ANKRD34C: variants seen among roughly 807,000 people sequenced by gnomAD.
ANKRD34C encodes the protein ankyrin repeat domain-containing protein 34C.
For missense variants in ANKRD34C, 563 were observed against 653.0 expected, an observed-to-expected ratio of 0.86 and a Z score of 1.50; for synonymous variants, 260 against 253.6, an observed-to-expected ratio of 1.03 and a Z score of -0.24.
chr15:79,293,741 A>G lies in ANKRD34C; in HGVS notation c.457A>G (p.Thr153Ala). The G allele has an allele frequency of 1.3e-6, 2 of 1,551,756 alleles. No homozygotes were observed. The highest frequency in any genetic ancestry group is 1.4e-5 in the African/African-American group (1 of 73,180). The change falls in exon 2 of 2, where the codon ACA becomes GCA. Residue 153 changes from threonine (T) to alanine (A), a missense_variant. Thr to Ala is a moderately conservative substitution (Grantham distance 58). Transcript: ENST00000421388. ...KAKGKEVIII[T>A]TDKSSSGTKT... ...CAAAGGGAAGGAGGTGATTATTATA[A>G]CAACAGATAAATCGTCTTCAGGCAC...
intron 1 of ANKRD34C, among the ~76,000 whole-genome samples, chr15:79,286,723 A>G (rs2058646347): frequency 1.3e-5 from 2 of 151,976 alleles, no homozygotes; most frequent in Admixed American, 6.5e-5. Flanking sequence ...AAGCCTCCCA[A>G]TCCATCTCCC....
intron 1 of ANKRD34C, among the ~76,000 whole-genome samples, chr15:79,288,275 G>T (rs115278010): frequency 0.011 from 1,633 of 152,294 alleles, 32 homozygotes; most frequent in African/African-American, 0.037. Context: ...GAAAAGTGAC[G>T]CAAGGGAGGA....
intron 1 of ANKRD34C, among the ~76,000 whole-genome samples, chr15:79,289,188 C>A (rs1482181660): frequency 6.6e-6 from 1 of 152,176 alleles, no homozygotes; most frequent in Admixed American, 6.5e-5. Context: ...GTTAGCCTGG[C>A]ACATTTTATC....
intron 1 of ANKRD34C, among the ~76,000 whole-genome samples, chr15:79,289,245 A>C (rs996917405): frequency 3.9e-5 from 6 of 152,210 alleles, no homozygotes; most frequent in African/African-American, 1.4e-4. Context: ...CTCAGACAAA[A>C]CTGTTGCATT....
In ANKRD34C at chr15:79,294,033, T is replaced by C; in HGVS notation, c.749T>C (p.Leu250Pro). Residue 250 changes from leucine to proline, a missense_variant, in exon 2 of 2, where the codon CTC (leucine) becomes CCC (proline). By Grantham distance (98) the Leu-to-Pro change is moderately conservative. Coordinates refer to ENST00000421388, the MANE Select transcript of ANKRD34C (RefSeq NM_001146341.2). ...GCCCGTTTGCCTCAACTGAAGAGGC[T>C]CCAGTCTGAACCTTGGGGCCTGATA... Reference protein sequence around the residue: ...KRARLPQLKRLQSEPWGLIAP... With the variant: ...KRARLPQLKRPQSEPWGLIAP... 1 of 1,551,626 alleles carries C rather than the reference T, an allele frequency of 6.4e-7. No homozygotes were observed. Among genetic ancestry groups the C allele is most frequent in the South Asian group, 1.2e-5 (1 of 84,038 alleles).
At chr15:79,293,164 C>G (rs2058663822) in intron 1 of ANKRD34C, 77 bp from the exon 2 acceptor site, 16 of 1,128,458 alleles carry the variant, frequency 1.4e-5, no homozygotes, top group Non-Finnish European at 2.0e-5. Flanking sequence ...ATGACTGTAC[C>G]CAGACCCCGT....
chr15:79,287,939 T>C (rs981337928), intron 1 of ANKRD34C, among the ~76,000 whole-genome samples: 1 of 152,158 alleles, frequency 6.6e-6, no homozygotes, highest in African/African-American at 2.4e-5. Context: ...CCACCCAAGG[T>C]TGAGTCAGCC....
Position 79,294,867 on chromosome 15 carries a change from C to G in ANKRD34C, c.1583C>G (p.Ser528Cys). ...CAAATTGAACAAATGAAACAGCTGTCTGATTTTGAAGAAATCATGACCTAG... is the reference window on the plus strand; with the variant it reads ...CAAATTGAACAAATGAAACAGCTGTGTGATTTTGAAGAAATCATGACCTAG... ...SMQIEQMKQL[S>C]DFEEIMT Residue 528 changes from serine to cysteine, a missense_variant, in exon 2 of 2, where the codon TCT (serine) becomes TGT (cysteine). Ser to Cys is a moderately radical substitution (Grantham distance 112). Coordinates refer to ENST00000421388, the MANE Select transcript of ANKRD34C (RefSeq NM_001146341.2). 1.3e-6 allele frequency: 2 copies of G among 1,541,504 alleles called. No individual in the cohort carries two copies. Among genetic ancestry groups the G allele is most frequent in the Non-Finnish European group, 1.7e-6 (2 of 1,144,402 alleles).
chr15:79,293,497 G>A lies in ANKRD34C; in HGVS notation c.213G>A (p.Leu71=). 6.4e-7 allele frequency: 1 copy of A among 1,551,602 alleles called. No homozygotes were observed. The highest frequency in any genetic ancestry group is 2.4e-5 in the East Asian group (1 of 40,918). ...GCAAGTCCAAGATGGTGAAGTACCTGCTGGACAACAGGGCAGACCCCAATA... is the reference window on the plus strand; with the variant it reads ...GCAAGTCCAAGATGGTGAAGTACCTACTGGACAACAGGGCAGACCCCAATA... ...SISKSKMVKY[L]LDNRADPNIQ... is the part of the protein sequence containing the mutation. Residue 71 remains leucine, a synonymous_variant, in exon 2 of 2, where the codon CTG becomes CTA. Coordinates refer to ENST00000421388, the MANE Select transcript of ANKRD34C (RefSeq NM_001146341.2).
At chr15:79,289,892 T>C (rs1168114127) in intron 1 of ANKRD34C, among the ~76,000 whole-genome samples, 1 of 152,160 alleles carries the variant, frequency 6.6e-6, no homozygotes, top group African/African-American at 2.4e-5. Flanking sequence ...TTTGTATATG[T>C]ATGTGTGTGT....
Position 79,292,911 on chromosome 15 carries a change from G to A in ANKRD34C, c.-44-330G>A, listed in dbSNP as rs138306660. 5.8e-4 allele frequency among the ~76,000 whole-genome samples: 89 copies of A among 152,236 alleles called. 2 individuals are homozygous for A. In the East Asian group the frequency reaches 0.014, roughly 24 times the overall value. ...GTTCTACATTTGTGATAAGTGCTGC[G>A]CAGTCAACACAATAACATCTTGCAT... On this transcript the variant is annotated intron_variant, in intron 1 of 1. Coordinates refer to ENST00000421388, the MANE Select transcript of ANKRD34C (RefSeq NM_001146341.2).
rs545306346 is a variant in ANKRD34C, at chr15:79,296,290, A to ATAGGAT, written c.*1402_*1407dup. The ATAGGAT allele has an allele frequency of 1.6e-3, 259 of 167,032 alleles. 3 individuals carry two copies. The highest frequency in any genetic ancestry group is 3.0e-3 in the Non-Finnish European group (207 of 68,110). 10.3% of individuals were successfully genotyped at this position (167,032 alleles called of 1,614,324 possible). A position where few individuals can be genotyped will look rare whatever the true frequency, so the allele number is the denominator to read the frequency against. On this transcript the variant is annotated 3_prime_UTR_variant, in exon 2 of 2. Coordinates refer to ENST00000421388, the MANE Select transcript of ANKRD34C (RefSeq NM_001146341.2). Reference sequence around the variant, plus strand: ...TAGTCTCTGTTCCCTCATCTGTAAAATAGGATTAGTAGTGCTGCACCTTAC... The same window carrying ATAGGAT: ...TAGTCTCTGTTCCCTCATCTGTAAAATAGGATTAGGATTAGTAGTGCTGCACCTTAC...
chr15:79,289,946 A>G (rs2058655095), intron 1 of ANKRD34C, among the ~76,000 whole-genome samples: 2 of 152,344 alleles, frequency 1.3e-5, no homozygotes, highest in East Asian at 1.9e-4. Flanking sequence ...AAAGAAAAAG[A>G]TAGAGAATAT....
intron 1 of ANKRD34C, among the ~76,000 whole-genome samples, chr15:79,289,187 G>A (rs533688332): frequency 6.6e-6 from 1 of 152,272 alleles, no homozygotes; most frequent in South Asian, 2.1e-4. Flanking sequence ...TGTTAGCCTG[G>A]CACATTTTAT....
chr15:79,291,615 G>C lies in ANKRD34C; in HGVS notation c.-44-1626G>C, dbSNP rs1373315416. 8.2e-5 allele frequency among the ~76,000 whole-genome samples: 12 copies of C among 146,068 alleles called. No individual in the cohort carries two copies. The East Asian group carries it at 8.3e-4, about 10-fold the overall frequency. Reference sequence around the variant, plus strand: ...ACACACACACACAGAGAGAGAGAGAGAGAGAGAGAGAGAGAGATCAGTAGG... The same window carrying C: ...ACACACACACACAGAGAGAGAGAGACAGAGAGAGAGAGAGAGATCAGTAGG... On this transcript the variant is annotated intron_variant, in intron 1 of 1. Coordinates refer to ENST00000421388, the MANE Select transcript of ANKRD34C (RefSeq NM_001146341.2).
In ANKRD34C at chr15:79,294,550, C is replaced by G. The variant is rs1404545175; in HGVS notation, c.1266C>G (p.Ser422=). 6 of 1,551,672 alleles carry G rather than the reference C, an allele frequency of 3.9e-6. No individual in the cohort carries two copies. The highest frequency in any genetic ancestry group is 5.2e-6 in the Non-Finnish European group (6 of 1,146,978). ...CTCTTTTCCATGGCTCTCGGGAGTC[C>G]CTGGACACTGTACCTAGCACATCCC... ...HLSLFHGSRE[S]LDTVPSTSPS... Residue 422 remains serine (S), a synonymous_variant, in exon 2 of 2, where the codon TCC becomes TCG. Transcript: ENST00000421388.
Position 79,282,979 on chromosome 15 carries a change from T to C in ANKRD34C, c.-294T>C, listed in dbSNP as rs970480872. 1.3e-5 allele frequency among the ~76,000 whole-genome samples: 2 copies of C among 152,166 alleles called. No homozygotes were observed. The highest frequency in any genetic ancestry group is 4.8e-5 in the African/African-American group (2 of 41,448). On this transcript the variant is annotated 5_prime_UTR_variant, in exon 1 of 2. Transcript: ENST00000421388. ...CAACTTGGAGGAGCGGTGGACCGATTTGAAGGAACTGACGCAGAGGTTTTA... is the reference window on the plus strand; with the variant it reads ...CAACTTGGAGGAGCGGTGGACCGATCTGAAGGAACTGACGCAGAGGTTTTA...
chr15:79,285,058 G>T (rs548497580), intron 1 of ANKRD34C, among the ~76,000 whole-genome samples: 2 of 152,190 alleles, frequency 1.3e-5, no homozygotes, highest in African/African-American at 4.8e-5. Flanking sequence ...AGAATTTAAA[G>T]CAATTTAGAA....
At chr15:79,293,197 G>C (rs956101041) in intron 1 of ANKRD34C, 44 bp from the exon 2 acceptor site, 1 of 1,347,060 alleles carries the variant, frequency 7.4e-7, no homozygotes, top group Non-Finnish European at 1.0e-6. Context: ...GCACAGATCT[G>C]TTATAAAACA....
Sources: gnomAD v4.1 joint callset for allele counts (sites outside exome capture counted in the v4.1 genomes callset) on GRCh38, gnomAD v4.1.1 for gene constraint, MANE v1.5 for transcripts, NCBI Gene and HGNC (gene_info 2026-07-23, HGNC 2026-07-21) for gene names.